GRM1: variants seen among roughly 807,000 people sequenced by gnomAD.
GRM1 encodes the protein metabotropic glutamate receptor 1.
A neutral mutation model predicts 90.9 loss-of-function variants in GRM1; 33 were observed. That is an observed-to-expected ratio of 0.36 (90% CI 0.28 to 0.49). GRM1 has a LOEUF of 0.49. Among genes scored for constraint, GRM1 ranks in the 20% least tolerant of loss-of-function variants. The probability of loss-of-function intolerance (pLI) is 0.99; values close to 1 mark genes in which losing one functional copy is unlikely to be tolerated. For synonymous variants in GRM1, 700 were observed against 613.2 expected (o/e 1.14, Z -2.09); for missense variants, 1,190 against 1,534.3 (o/e 0.78, Z 3.75).
At chr6:146,401,504 G>A (rs2114592840) in intron 7 of GRM1, among the ~76,000 whole-genome samples, 1 of 152,190 alleles carries the variant, frequency 6.6e-6, no homozygotes. Flanking sequence ...GAAATAAGAG[G>A]AAAGAAAATG....
At chr6:146,286,066 A>G (rs538178394) in intron 2 of GRM1, among the ~76,000 whole-genome samples, 1 of 152,264 alleles carries the variant, frequency 6.6e-6, no homozygotes, top group East Asian at 1.9e-4. Context: ...TGTCATTGTA[A>G]TTAAAAACAG....
chr6:146,049,390 T>A (rs1791443817), intron 1 of GRM1, among the ~76,000 whole-genome samples: 1 of 151,938 alleles, frequency 6.6e-6, no homozygotes, highest in Admixed American at 6.6e-5. Context: ...GGACCCCCCT[T>A]TTCTCCTTTT....
At chr6:146,280,594 C>G (rs1003427816) in intron 2 of GRM1, among the ~76,000 whole-genome samples, 1 of 152,076 alleles carries the variant, frequency 6.6e-6, no homozygotes, top group Non-Finnish European at 1.5e-5. Flanking sequence ...TATCCCCTTT[C>G]TCTTATTTTT....
intron 6 of GRM1, among the ~76,000 whole-genome samples, chr6:146,394,030 A>G (rs1037168479): frequency 2.6e-5 from 4 of 152,168 alleles, no homozygotes; most frequent in African/African-American, 9.7e-5. Flanking sequence ...TCTCTATTTA[A>G]TAAATGGTGC....
intron 2 of GRM1, among the ~76,000 whole-genome samples, chr6:146,179,947 G>A (rs1778484439): frequency 2.6e-5 from 4 of 152,020 alleles, no homozygotes. Flanking sequence ...TTCAAGACCA[G>A]CCTGGGCAAC....
intron 1 of GRM1, among the ~76,000 whole-genome samples, chr6:146,123,194 G>A (rs1380356670): frequency 2.0e-5 from 3 of 152,132 alleles, no homozygotes; most frequent in South Asian, 4.2e-4. Context: ...CCTTGGTTTG[G>A]TCTAACACCA....
chr6:146,030,817 G>T (rs141071266), intron 1 of GRM1, among the ~76,000 whole-genome samples: 1 of 152,204 alleles, frequency 6.6e-6, no homozygotes, highest in Admixed American at 6.5e-5. Context: ...CAAAGAAAAA[G>T]TAAGTAATTT....
Position 146,434,050 on chromosome 6 carries a change from T to A in GRM1, c.2839T>A (p.Ser947Thr). 6.2e-7 allele frequency: 1 copy of A among 1,614,182 alleles called. No homozygotes were observed. The highest frequency in any genetic ancestry group is 8.5e-7 in the Non-Finnish European group (1 of 1,180,048). ...YQGSGKSLTFSDTSTKTLYNV... is the reference protein window; with the variant it reads ...YQGSGKSLTFTDTSTKTLYNV... ...AGGCTCTGGCAAGAGCCTGACCTTTTCAGATACCAGCACCAAGACCCTTTA... is the reference window on the plus strand; with the variant it reads ...AGGCTCTGGCAAGAGCCTGACCTTTACAGATACCAGCACCAAGACCCTTTA... The change falls in exon 8 of 8, where the codon TCA becomes ACA. Residue 947 changes from serine (S) to threonine (T), a missense_variant. By Grantham distance (58) the Ser-to-Thr change is moderately conservative (BLOSUM62 1). This residue lies in a region of GRM1 where 400 missense variants were observed against 360.8 expected (regional missense o/e 1.11). Coordinates refer to ENST00000282753, the MANE Select transcript of GRM1 (RefSeq NM_001278064.2).
intron 3 of GRM1, among the ~76,000 whole-genome samples, chr6:146,305,904 T>C (rs138529057): frequency 3.3e-4 from 50 of 152,230 alleles, no homozygotes; most frequent in African/African-American, 8.7e-4. Flanking sequence ...ATACATGAAA[T>C]AGACAAATAA....
At chr6:146,233,594 T>C (rs1057158390) in intron 2 of GRM1, among the ~76,000 whole-genome samples, 1 of 152,168 alleles carries the variant, frequency 6.6e-6, no homozygotes, top group Non-Finnish European at 1.5e-5. Context: ...AATTTGGACA[T>C]ATTTGAACAT....
chr6:146,150,923 C>T (rs1777300542), intron 1 of GRM1, among the ~76,000 whole-genome samples: 2 of 101,008 alleles, frequency 2.0e-5, no homozygotes, highest in Non-Finnish European at 3.9e-5. Flanking sequence ...TATAAACACA[C>T]ACACGCGTGT....
At chr6:146,318,379 A>T (rs1231013750) in intron 3 of GRM1, among the ~76,000 whole-genome samples, 1 of 152,194 alleles carries the variant, frequency 6.6e-6, no homozygotes, top group African/African-American at 2.4e-5. Context: ...TATATGTGCC[A>T]CATTTTCTTT....
chr6:146,392,189 T>A (rs1776748360), intron 6 of GRM1, among the ~76,000 whole-genome samples: 3 of 152,148 alleles, frequency 2.0e-5, no homozygotes, highest in Admixed American at 1.3e-4. Context: ...TTAGCTTGAT[T>A]TGGCTACATG....
At chr6:146,312,349 CAAAAAAAAA>C (rs1166008558) in intron 3 of GRM1, among the ~76,000 whole-genome samples, 320 of 21,346 alleles carry the variant, frequency 0.015, 2 homozygotes, top group African/African-American at 0.041. Flanking sequence ...AACTCCGTCT[CAAAAAAAAA>C]AAAAAAAAAA....
Position 146,029,829 on chromosome 6 carries a change from G to C in GRM1, c.312G>C (p.Glu104Asp). ...TGCCCAACATCACCCTGGGCAGTGA[G>C]ATCCGGGACTCCTGCTGGCACTCTT... ...VLLPNITLGSEIRDSCWHSSV... is the reference protein window; with the variant it reads ...VLLPNITLGSDIRDSCWHSSV... The change falls in exon 1 of 8, where the codon GAG becomes GAC. Residue 104 changes from glutamate to aspartate, a missense_variant. Physicochemically the swap from Glu to Asp is conservative, Grantham distance 45. Transcript: ENST00000282753. The C allele has an allele frequency of 6.2e-7, 1 of 1,614,176 alleles. No individual in the cohort carries two copies. The highest frequency in any genetic ancestry group is 8.5e-7 in the Non-Finnish European group (1 of 1,180,026).
At chr6:146,084,080 T>G (rs1024811766) in intron 1 of GRM1, among the ~76,000 whole-genome samples, 18 of 152,288 alleles carry the variant, frequency 1.2e-4, no homozygotes, top group African/African-American at 4.3e-4. Flanking sequence ...AGTGGTGATA[T>G]CCCCTTTTTC....
At chr6:146,124,757 A>G (rs1562478902) in intron 1 of GRM1, among the ~76,000 whole-genome samples, 1 of 152,186 alleles carries the variant, frequency 6.6e-6, no homozygotes, top group Non-Finnish European at 1.5e-5. Flanking sequence ...GAGCATTTTT[A>G]TAACTTTAAA....
intron 2 of GRM1, among the ~76,000 whole-genome samples, chr6:146,162,012 A>T (rs988133344): frequency 3.8e-4 from 58 of 152,172 alleles, no homozygotes; most frequent in African/African-American, 1.4e-3. Context: ...GTCAATGGAC[A>T]TGTGGGCTTG....
chr6:146,415,956 A>G (rs1168106854), intron 7 of GRM1, among the ~76,000 whole-genome samples: 1 of 152,210 alleles, frequency 6.6e-6, no homozygotes, highest in Non-Finnish European at 1.5e-5. Flanking sequence ...TTTGTCCTCT[A>G]TATAGACTAC....
Sources: gnomAD v4.1 joint callset for allele counts (sites outside exome capture counted in the v4.1 genomes callset) on GRCh38, gnomAD v4.1.1 for gene constraint, gnomAD v4.1.1 regional missense constraint, MANE v1.5 for transcripts, NCBI Gene and HGNC (gene_info 2026-07-23, HGNC 2026-07-21) for gene names.